The following NOL4 variants were observed in gnomAD, a reference collection of about 807,000 sequenced individuals.
NOL4 encodes the protein cancer/testis antigen 125.
Under a neutral mutation model 75.9 loss-of-function variants are expected in NOL4, and 17 were observed. The ratio of observed to expected loss-of-function variants is 0.22; its 90% CI spans 0.15 to 0.34. NOL4 has a LOEUF of 0.34. NOL4 is among the 10% of genes least tolerant of loss of function. The pLI, the probability that NOL4 is intolerant of heterozygous loss-of-function variation, is 1.00. For synonymous variants in NOL4, 292 were observed against 289.9 expected, an observed-to-expected ratio of 1.01 and a Z score of -0.07; for missense variants, 614 against 793.5, an observed-to-expected ratio of 0.77 and a Z score of 2.72.
intron 1 of NOL4, among the ~76,000 whole-genome samples, chr18:34,166,118 G>GT: frequency 6.6e-6 from 1 of 152,082 alleles, no homozygotes; most frequent in South Asian, 2.1e-4. Context: ...ACAAGAAACT[G>GT]TAATATTTTA....
chr18:34,000,139 G>C (rs550741246), intron 6 of NOL4, among the ~76,000 whole-genome samples: 70 of 152,256 alleles, frequency 4.6e-4, no homozygotes, highest in African/African-American at 1.6e-3. Context: ...AGGTTAGGTA[G>C]ATAACAAATA....
intron 9 of NOL4, among the ~76,000 whole-genome samples, chr18:33,917,467 G>A (rs755692544): frequency 5.9e-5 from 9 of 151,896 alleles, no homozygotes; most frequent in East Asian, 1.9e-4. Flanking sequence ...CAACATGATC[G>A]TCTTAAACTC....
rs1441050021 is a variant in NOL4 at position 33,851,147 on chromosome 18, A to T, written c.*1695T>A. ...TTATTAAACCAAACAAAACAGAGAA[A>T]ATTATACCAGCCCTCAATTTTTGAA... is the stretch of plus-strand genomic sequence containing the variant. On this transcript the variant is annotated 3_prime_UTR_variant, in exon 11 of 11. Coordinates refer to ENST00000261592, the MANE Select transcript of NOL4 (RefSeq NM_003787.5). The T allele has an allele frequency of 2.6e-5, 4 of 152,658 alleles. No homozygotes were observed. The highest frequency in any genetic ancestry group is 6.8e-3 in the Middle Eastern group (2 of 294). The allele number at this position is 152,658 out of a possible 1,614,324, so 9.5% of individuals were successfully genotyped here.
intron 9 of NOL4, among the ~76,000 whole-genome samples, chr18:33,902,893 T>C (rs756293336): frequency 4.6e-5 from 7 of 152,146 alleles, no homozygotes; most frequent in Non-Finnish European, 7.3e-5. Flanking sequence ...TCTACATGTA[T>C]GTAATTTTCT....
At chr18:33,972,771 A>T (rs566808636) in intron 6 of NOL4, among the ~76,000 whole-genome samples, 1 of 152,226 alleles carries the variant, frequency 6.6e-6, no homozygotes, top group African/African-American at 2.4e-5. Context: ...GTGCAATAGC[A>T]CTAGTTCTAA....
At chr18:34,076,039 T>A (rs930273203) in intron 5 of NOL4, among the ~76,000 whole-genome samples, 8 of 152,130 alleles carry the variant, frequency 5.3e-5, no homozygotes, top group Non-Finnish European at 2.9e-5. Context: ...CAAGTTATGA[T>A]GGTAAAAATT....
chr18:33,975,755 T>TA (rs1378049086), intron 6 of NOL4, among the ~76,000 whole-genome samples: 1 of 152,048 alleles, frequency 6.6e-6, no homozygotes, highest in Admixed American at 6.6e-5. Flanking sequence ...AGCCCAGATG[T>TA]AAAAAAAGTA....
chr18:33,890,872 A>G (rs955288586), intron 9 of NOL4, among the ~76,000 whole-genome samples: 2 of 151,980 alleles, frequency 1.3e-5, no homozygotes, highest in African/African-American at 2.4e-5. Flanking sequence ...GTAGAGAAAT[A>G]TAGGTATCAT....
At chr18:34,192,454 G>A (rs563883571) in intron 1 of NOL4, among the ~76,000 whole-genome samples, 5 of 152,114 alleles carry the variant, frequency 3.3e-5, no homozygotes, top group East Asian at 3.9e-4. Context: ...ACCTGACTTC[G>A]AAATACACTA....
chr18:34,060,788 C>T (rs1479798948), intron 5 of NOL4, among the ~76,000 whole-genome samples: 2 of 152,140 alleles, frequency 1.3e-5, no homozygotes, highest in African/African-American at 4.8e-5. Flanking sequence ...CATGTGGTGC[C>T]TAAGAAGGAC....
intron 5 of NOL4, among the ~76,000 whole-genome samples, chr18:34,079,957 C>T (rs2145379447): frequency 6.6e-6 from 1 of 152,338 alleles, no homozygotes; most frequent in Admixed American, 6.5e-5. Context: ...AGCCTAAGGG[C>T]TGTTCATTGG....
At chr18:33,882,966 A>C (rs2064386927) in intron 10 of NOL4, among the ~76,000 whole-genome samples, 2 of 152,086 alleles carry the variant, frequency 1.3e-5, no homozygotes, top group Admixed American at 1.3e-4. Context: ...ACAAAAAACC[A>C]AACACCGCAT....
intron 5 of NOL4, among the ~76,000 whole-genome samples, chr18:34,054,588 G>A (rs1013299312): frequency 2.0e-5 from 3 of 151,774 alleles, no homozygotes; most frequent in Non-Finnish European, 4.4e-5. Flanking sequence ...CAGCCTATGT[G>A]TATCCTTAAC....
intron 5 of NOL4, among the ~76,000 whole-genome samples, chr18:34,064,142 T>C (rs2077172963): frequency 6.6e-6 from 1 of 152,070 alleles, no homozygotes; most frequent in Non-Finnish European, 1.5e-5. Flanking sequence ...CAAAGCATTC[T>C]GACTCGTTTA....
intron 5 of NOL4, among the ~76,000 whole-genome samples, chr18:34,067,068 A>T (rs1275290560): frequency 6.6e-6 from 1 of 152,124 alleles, no homozygotes; most frequent in African/African-American, 2.4e-5. Flanking sequence ...AAATAAACAA[A>T]ATACTAAAGT....
intron 9 of NOL4, among the ~76,000 whole-genome samples, chr18:33,907,575 T>G (rs1402570374): frequency 1.3e-5 from 2 of 152,134 alleles, no homozygotes; most frequent in African/African-American, 4.8e-5. Flanking sequence ...TGTTAAACTT[T>G]TAGAAGCACA....
At chr18:33,967,800 A>G (rs1158007336) in intron 6 of NOL4, among the ~76,000 whole-genome samples, 1 of 152,186 alleles carries the variant, frequency 6.6e-6, no homozygotes, top group Non-Finnish European at 1.5e-5. Flanking sequence ...TAAAAAGTCA[A>G]AAAATAATCT....
At chr18:34,179,589 C>A (rs2033860181) in intron 1 of NOL4, among the ~76,000 whole-genome samples, 1 of 151,022 alleles carries the variant, frequency 6.6e-6, no homozygotes, top group African/African-American at 2.4e-5. Flanking sequence ...AGCTGTTTAC[C>A]AAAAAAATAG....
intron 1 of NOL4, among the ~76,000 whole-genome samples, chr18:34,142,395 G>A (rs1255760874): frequency 2.0e-5 from 3 of 152,052 alleles, no homozygotes; most frequent in Admixed American, 6.6e-5. Context: ...TGTTTATTGT[G>A]GCACTATTCA....
Sources: gnomAD v4.1 joint callset for allele counts (sites outside exome capture counted in the v4.1 genomes callset) on GRCh38, gnomAD v4.1.1 for gene constraint, MANE v1.5 for transcripts, NCBI Gene and HGNC (gene_info 2026-07-23, HGNC 2026-07-21) for gene names.